B9D1: variants seen among roughly 807,000 people sequenced by gnomAD.
B9D1 encodes B9 domain-containing protein 1.
A neutral mutation model predicts 26.1 loss-of-function variants in B9D1; 20 were observed. The ratio of observed to expected loss-of-function variants is 0.77; its 90% CI spans 0.54 to 1.12. The LOEUF (loss-of-function observed/expected upper bound fraction) is 1.12. Among genes scored for constraint, B9D1 ranks in the 50% most tolerant of loss-of-function variants. The pLI is 0.00. For missense variants in B9D1, 260 were observed against 273.7 expected (o/e 0.95, Z 0.35); for synonymous variants, 105 against 103.1 (o/e 1.02, Z -0.11).
chr17:19,349,135 T>G (rs1909257068), intron 3 of B9D1, among the ~76,000 whole-genome samples: 1 of 152,234 alleles, frequency 6.6e-6, no homozygotes. Flanking sequence ...GGTATCTGAT[T>G]CCTGCTCCTC....
chr17:19,353,523 C>T (rs957377168), intron 3 of B9D1, among the ~76,000 whole-genome samples: 1 of 151,874 alleles, frequency 6.6e-6, no homozygotes, highest in Non-Finnish European at 1.5e-5. Flanking sequence ...GCCTGTAATC[C>T]CAGCTACTTG....
At position 19,347,544 on chromosome 17, in the gene B9D1, C is replaced by G. The variant is rs1908995942; in HGVS notation, c.342-213G>C. ...CAGCCTCATGGAGGTCAGAGTCCCT[C>G]AGGGTCTTTTCTTTTCTGGGTCCCA... On this transcript the variant is annotated intron_variant, in intron 4 of 6. Transcript: ENST00000261499. The surrounding 1 kb of genome is among the most constrained non-coding windows in gnomAD (Gnocchi z 4.3). Among the ~76,000 whole-genome samples, 1 of 152,162 alleles carries G rather than the reference C, an allele frequency of 6.6e-6. No individual in the cohort carries two copies. The highest frequency in any genetic ancestry group is 1.5e-5 in the Non-Finnish European group (1 of 68,024).
upstream of B9D1, among the ~76,000 whole-genome samples, chr17:19,366,948 C>T (rs764115058): frequency 3.3e-5 from 5 of 152,126 alleles, no homozygotes; most frequent in Admixed American, 6.5e-5. Flanking sequence ...GAGAGGCAGA[C>T]AAATCTGGTT....
chr17:19,355,548 G>A (rs1910218605), intron 3 of B9D1, among the ~76,000 whole-genome samples: 2 of 143,424 alleles, frequency 1.4e-5, no homozygotes, highest in South Asian at 2.2e-4. Flanking sequence ...AAAAAAAATC[G>A]GCTGGGCGTG....
rs540189714 is a variant in B9D1, at chr17:19,347,383, G to A, written c.342-52C>T. 1.0e-5 allele frequency: 16 copies of A among 1,601,650 alleles called. No individual in the cohort carries two copies. In the East Asian group the frequency reaches 2.9e-4, roughly 29 times the overall value. Reference sequence around the variant, plus strand: ...GATGCTGAGTAAGAGACCTTTCTGAGCCTCCAGGGAGAAGAAACCCTCAGA... The same window carrying A: ...GATGCTGAGTAAGAGACCTTTCTGAACCTCCAGGGAGAAGAAACCCTCAGA... On this transcript the variant is annotated intron_variant, in intron 4 of 6. Transcript: ENST00000261499. This position sits in a 1 kb window ranked among gnomAD's most constrained non-coding sequence, Gnocchi z 4.3.
chr17:19,354,747 G>C (rs1396562526), intron 3 of B9D1, among the ~76,000 whole-genome samples: 4 of 152,142 alleles, frequency 2.6e-5, no homozygotes, highest in Non-Finnish European at 5.9e-5. Flanking sequence ...AGAATTGCTT[G>C]AACCTGGGAG....
At position 19,347,195 on chromosome 17, in the gene B9D1, A is replaced by T; in HGVS notation, c.404+74T>A. On this transcript the variant is annotated intron_variant, in intron 5 of 6. Transcript: ENST00000261499. This position sits in a 1 kb window ranked among gnomAD's most constrained non-coding sequence, Gnocchi z 4.3. ...AGATCTGAGGAGGCGACCAGGCACA[A>T]ACTGAGGGGTAGAATGGGACATCCA... 2 of 1,614,118 alleles carry T rather than the reference A, an allele frequency of 1.2e-6. No individual in the cohort carries two copies. The highest frequency in any genetic ancestry group is 1.7e-6 in the Non-Finnish European group (2 of 1,179,980).
In B9D1 at chr17:19,347,231, A is replaced by G; in HGVS notation, c.404+38T>C. The G allele has an allele frequency of 2.5e-6, 4 of 1,614,230 alleles. No homozygotes were observed. Among genetic ancestry groups the G allele is most frequent in the Non-Finnish European group, 3.4e-6 (4 of 1,180,036 alleles). On this transcript the variant is annotated intron_variant, in intron 5 of 6. Coordinates refer to ENST00000261499, the MANE Select transcript of B9D1 (RefSeq NM_015681.6). This position sits in a 1 kb window ranked among gnomAD's most constrained non-coding sequence, Gnocchi z 4.3. ...AGAATGGGACATCCATTCATCCAGT[A>G]GATCAGGAGGGGCTGGGGTTATGGG...
At chr17:19,363,645 G>T (rs755006453), upstream of B9D1, 6 of 152,198 alleles carry the variant, frequency 3.9e-5, no homozygotes, top group Non-Finnish European at 7.3e-5. Flanking sequence ...ACATTATCTT[G>T]GATCCAGGAA....
intron 1 of B9D1, among the ~76,000 whole-genome samples, chr17:19,375,727 G>C (rs1912069558): frequency 6.6e-6 from 1 of 152,208 alleles, no homozygotes; most frequent in Admixed American, 6.5e-5. Flanking sequence ...GGGCGATAGA[G>C]TGAGACTCAG....
In B9D1 at chr17:19,372,007, C is replaced by T. The variant is rs1911918366; in HGVS notation, c.-298+5852G>A. The T allele has an allele frequency of 2.0e-5, 3 of 152,252 alleles. No homozygotes were observed. Among genetic ancestry groups the T allele is most frequent in the Non-Finnish European group, 2.9e-5 (2 of 68,060 alleles). 9.4% of individuals were successfully genotyped at this position (152,252 alleles called of 1,614,324 possible). On this transcript the variant is annotated intron_variant, in intron 1 of 5. Transcript: ENST00000477478. The surrounding 1 kb of genome is among the most constrained non-coding windows in gnomAD (Gnocchi z 4.4). ...GGAAAACCTGGTGCAGGGAGTCCTA[C>T]AAACAGAGGCCCCTCCCACAGTTGA...
chr17:19,353,384 T>C (rs1184931960), intron 3 of B9D1, among the ~76,000 whole-genome samples: 1 of 151,516 alleles, frequency 6.6e-6, no homozygotes. Flanking sequence ...AGGTCTGTAA[T>C]CCCAGCACTT....
At chr17:19,338,432 T>C (rs1907639794), downstream of B9D1, among the ~76,000 whole-genome samples, 1 of 152,242 alleles carries the variant, frequency 6.6e-6, no homozygotes, top group Admixed American at 6.5e-5. Context: ...TCATGGACTT[T>C]GCACACTTCC....
chr17:19,340,033 A>ACCCCCCCCCC (rs56279237), downstream of B9D1, among the ~76,000 whole-genome samples: 23 of 110,556 alleles, frequency 2.1e-4, no homozygotes, highest in East Asian at 3.0e-3. Context: ...CACATGCCCA[A>ACCCCCCCCCC]CCCCCCCCCC....
upstream of B9D1, among the ~76,000 whole-genome samples, chr17:19,366,214 G>A (rs551934452): frequency 2.1e-3 from 320 of 152,044 alleles, 3 homozygotes; most frequent in African/African-American, 7.5e-3. Context: ...CCCTCCATCT[G>A]CTCTGCCCTG....
At chr17:19,377,330 C>CA (rs1033675040) in intron 1 of B9D1, among the ~76,000 whole-genome samples, 1 of 151,964 alleles carries the variant, frequency 6.6e-6, no homozygotes, top group Non-Finnish European at 1.5e-5. Flanking sequence ...GTGAATATAC[C>CA]AAAAAACACT....
chr17:19,369,966 G>A (rs541929844), intron 1 of B9D1, among the ~76,000 whole-genome samples: 4 of 152,052 alleles, frequency 2.6e-5, no homozygotes, highest in African/African-American at 4.8e-5. Flanking sequence ...CCGCCCCTCC[G>A]TCATTTCCTA....
chr17:19,357,341 GC>G (rs1265664385), intron 3 of B9D1, among the ~76,000 whole-genome samples: 1 of 152,230 alleles, frequency 6.6e-6, no homozygotes, highest in African/African-American at 2.4e-5. Context: ...AGTAAGCAAT[GC>G]CAGCCAGGAA....
At chr17:19,374,745 G>A (rs771372917) in intron 1 of B9D1, among the ~76,000 whole-genome samples, 3 of 152,022 alleles carry the variant, frequency 2.0e-5, no homozygotes, top group Non-Finnish European at 4.4e-5. Context: ...TAGCACAAGT[G>A]ACAAAAGACA....
Sources: allele counts gnomAD v4.1 joint callset (sites outside exome capture counted in the v4.1 genomes callset), GRCh38; gene constraint gnomAD v4.1.1; non-coding constraint Gnocchi (gnomAD v3.1); transcripts MANE v1.5; gene names NCBI Gene and HGNC (gene_info 2026-07-23, HGNC 2026-07-21).